WAPL: variants seen among roughly 807,000 people sequenced by gnomAD.
The protein encoded by WAPL is WAPL cohesin release factor, also known as wings apart-like protein homolog.
A neutral mutation model predicts 121.0 loss-of-function variants in WAPL; 5 were observed. That is an observed-to-expected ratio of 0.04 (90% CI 0.02 to 0.09). The LOEUF is 0.09. Ranked by LOEUF, WAPL falls within the 10% of genes least tolerant of loss-of-function variation. WAPL has a pLI of 1.00. For synonymous variants in WAPL, 480 were observed against 481.5 expected (o/e 1.00, Z 0.04); for missense variants, 999 against 1,410.8 (o/e 0.71, Z 4.68).
At chr10:86,468,066 A>C (rs1289759086) in intron 8 of WAPL, among the ~76,000 whole-genome samples, 1 of 152,168 alleles carries the variant, frequency 6.6e-6, no homozygotes, top group East Asian at 1.9e-4. Context: ...TCCATATATG[A>C]ATGCCTGATA....
intron 2 of WAPL, among the ~76,000 whole-genome samples, chr10:86,505,061 AT>A (rs1369972395): frequency 1.3e-5 from 2 of 152,200 alleles, no homozygotes; most frequent in African/African-American, 2.4e-5. Context: ...GATTAAAAAA[AT>A]AAAAGCACTG....
intron 4 of WAPL, among the ~76,000 whole-genome samples, chr10:86,495,162 T>C (rs1842125992): frequency 6.6e-6 from 1 of 152,184 alleles, no homozygotes. Context: ...ATTTAAGGAA[T>C]TTTTTACAAA....
intron 7 of WAPL, among the ~76,000 whole-genome samples, 191 bp from the exon 8 acceptor site, chr10:86,471,294 G>A (rs1589512552): frequency 6.6e-6 from 1 of 152,118 alleles, no homozygotes; most frequent in African/African-American, 2.4e-5. Flanking sequence ...GCATGATTAG[G>A]TACACTGTAT....
intron 2 of WAPL, among the ~76,000 whole-genome samples, chr10:86,513,644 A>C (rs928638164): frequency 6.6e-6 from 1 of 152,150 alleles, no homozygotes; most frequent in Non-Finnish European, 1.5e-5. Flanking sequence ...ATCCGTTATA[A>C]AAGTACTTAA....
chr10:86,499,638 G>T, intron 3 of WAPL, 80 bp downstream of exon 3: 1 of 1,419,284 alleles, frequency 7.0e-7, no homozygotes, highest in Non-Finnish European at 9.5e-7. Flanking sequence ...GTTGACCTTG[G>T]GTAATTGAAA....
intron 4 of WAPL, among the ~76,000 whole-genome samples, chr10:86,478,146 G>A (rs1315043178): frequency 6.6e-6 from 1 of 151,142 alleles, no homozygotes; most frequent in East Asian, 1.9e-4. Context: ...AAAAAAAATT[G>A]TGGCTAAGCA....
chr10:86,482,522 A>C (rs117694906), intron 4 of WAPL, among the ~76,000 whole-genome samples: 31 of 152,294 alleles, frequency 2.0e-4, no homozygotes, highest in Middle Eastern at 3.4e-3. Context: ...TTCTCCACTA[A>C]AGAGAATCAT....
intron 17 of WAPL, among the ~76,000 whole-genome samples, chr10:86,439,938 A>G (rs1203294786): frequency 6.6e-6 from 1 of 152,260 alleles, no homozygotes; most frequent in Admixed American, 6.5e-5. Flanking sequence ...TTTCTTGTCT[A>G]TCTCTTTTCA....
chr10:86,470,800 T>C (rs1841517945), intron 8 of WAPL, among the ~76,000 whole-genome samples, 192 bp downstream of exon 8: 2 of 152,354 alleles, frequency 1.3e-5, no homozygotes, highest in South Asian at 4.1e-4. Context: ...AAAAATGTTT[T>C]CACGTTTTCA....
At chr10:86,448,455 T>C (rs1840891535) in intron 15 of WAPL, among the ~76,000 whole-genome samples, 1 of 152,152 alleles carries the variant, frequency 6.6e-6, no homozygotes, top group Non-Finnish European at 1.5e-5. Context: ...TGTATGTATG[T>C]ATGTATAAAT....
At chr10:86,512,104 T>A (rs1301584850) in intron 2 of WAPL, among the ~76,000 whole-genome samples, 1 of 152,200 alleles carries the variant, frequency 6.6e-6, no homozygotes, top group African/African-American at 2.4e-5. Flanking sequence ...CCTCATATCA[T>A]CTGTACTTTA....
chr10:86,440,452 T>C (rs1378801983), intron 17 of WAPL, among the ~76,000 whole-genome samples: 1 of 113,294 alleles, frequency 8.8e-6, no homozygotes, highest in Admixed American at 8.8e-5. Flanking sequence ...CACGCCCGGC[T>C]AATTTTTTTT....
chr10:86,483,797 T>C (rs1405611589), intron 4 of WAPL, among the ~76,000 whole-genome samples: 1 of 14,292 alleles, frequency 7.0e-5, no homozygotes, highest in Non-Finnish European at 2.2e-4. Context: ...TTTTTTTCTT[T>C]TTTTTTTTTT....
intron 9 of WAPL, among the ~76,000 whole-genome samples, chr10:86,465,854 G>A (rs989753165): frequency 2.0e-5 from 3 of 152,198 alleles, no homozygotes; most frequent in African/African-American, 7.2e-5. Flanking sequence ...ATTGTGAACA[G>A]TAGACAATAA....
At chr10:86,449,661 G>A (rs1338889101) in intron 15 of WAPL, among the ~76,000 whole-genome samples, 1 of 152,208 alleles carries the variant, frequency 6.6e-6, no homozygotes, top group East Asian at 1.9e-4. Context: ...CTATTATGTG[G>A]ATAATGCAGA....
rs578256677 is a variant in WAPL at position 86,521,693 on chromosome 10, A to G, written c.-351T>C. ...CCTGCGCCGCCGCTTCCGCCGGTGA[A>G]TGGTCAGTGCTGGAGTTTGAACAGG... On this transcript the variant is annotated 5_prime_UTR_variant, in exon 1 of 19. Coordinates refer to ENST00000298767, the MANE Select transcript of WAPL (RefSeq NM_015045.5). The G allele has an allele frequency of 4.3e-6, 2 of 463,808 alleles. No homozygotes were observed. Among genetic ancestry groups the G allele is most frequent in the Non-Finnish European group, 4.5e-6 (1 of 224,502 alleles). The allele number at this position is 463,808 out of a possible 1,614,324, so 28.7% of individuals were successfully genotyped here.
intron 4 of WAPL, among the ~76,000 whole-genome samples, chr10:86,475,518 A>G (rs1307186808): frequency 1.3e-5 from 2 of 152,232 alleles, no homozygotes; most frequent in African/African-American, 4.8e-5. Flanking sequence ...TTAATATATT[A>G]TCTCTAATAA....
intron 2 of WAPL, among the ~76,000 whole-genome samples, chr10:86,516,207 C>T (rs1161010165): frequency 6.6e-6 from 1 of 152,128 alleles, no homozygotes; most frequent in Admixed American, 6.6e-5. Context: ...CTAAACTTAA[C>T]TTGTCAACAA....
rs1055554857 is a variant in WAPL, at chr10:86,483,421, CA to C, written c.1645-9449del. On this transcript the variant is annotated intron_variant, in intron 4 of 18. Coordinates refer to ENST00000298767, the MANE Select transcript of WAPL (RefSeq NM_015045.5). ...GACAACAAGAGCAAAAACTCCATCT[CA>C]AAAAAAAAAAAGAGTATAGCACATA... Among the ~76,000 whole-genome samples, 154 of 126,282 alleles carry C rather than the reference CA, an allele frequency of 1.2e-3. 1 individual carries two copies. The highest frequency in any genetic ancestry group is 2.1e-3 in the East Asian group (9 of 4,366). 82.8% of individuals were successfully genotyped at this position (126,282 alleles called of 152,430 possible).
Sources: allele counts gnomAD v4.1 joint callset (sites outside exome capture counted in the v4.1 genomes callset), GRCh38; gene constraint gnomAD v4.1.1; transcripts MANE v1.5; gene names NCBI Gene and HGNC (gene_info 2026-07-23, HGNC 2026-07-21).